The following CRMP1 variants were observed in gnomAD, a reference collection of about 807,000 sequenced individuals.
CRMP1 encodes dihydropyrimidinase-related protein 1.
In CRMP1, 19 loss-of-function variants were observed where a neutral mutation model predicts 68.3. That is an observed-to-expected ratio of 0.28 (90% CI 0.19 to 0.41). CRMP1 has a LOEUF of 0.41. Among genes scored for constraint, CRMP1 ranks in the 10% least tolerant of loss-of-function variants. CRMP1 has a pLI of 1.00. For synonymous variants in CRMP1, 439 were observed against 399.6 expected (o/e 1.10, Z -1.18); for missense variants, 791 against 967.4 (o/e 0.82, Z 2.42).
Position 5,856,228 on chromosome 4 carries a change from G to T in CRMP1, c.735C>A (p.Ser245=). 1 of 1,614,032 alleles carries T rather than the reference G, an allele frequency of 6.2e-7. No individual in the cohort carries two copies. Among genetic ancestry groups the T allele is most frequent in the South Asian group, 1.1e-5 (1 of 91,076 alleles). ...CCACGTGGAGGGAGTAATCACAGCA[G>T]GATTTGGTGTCAGCTGCTTCGTGCC... is the stretch of plus-strand genomic sequence containing the variant. ...EKWHEAADTK[S]CCDYSLHVDI... The change falls in exon 4 of 14, where the codon TCC becomes TCA. Residue 245 remains serine (S), a synonymous_variant. Coordinates refer to ENST00000324989, the MANE Select transcript of CRMP1 (RefSeq NM_001014809.3).
In CRMP1 at chr4:5,855,135, T is replaced by C. The variant is rs1017425084; in HGVS notation, c.820+1008A>G. Among the ~76,000 whole-genome samples the C allele has an allele frequency of 2.6e-5, 4 of 152,100 alleles. No individual in the cohort carries two copies. Among genetic ancestry groups the C allele is most frequent in the Non-Finnish European group, 4.4e-5 (3 of 68,012 alleles). On this transcript the variant is annotated intron_variant, in intron 4 of 13. Transcript: ENST00000324989. The surrounding 1 kb of genome is among the most constrained non-coding windows in gnomAD (Gnocchi z 4.9). ...ACATAACAGCTATTGCACAACCACA[T>C]AGGGGAAAAATCATCCAAATACACA...
chr4:5,828,312 A>G, intron 12 of CRMP1, 177 bp downstream of exon 12: 2 of 983,298 alleles, frequency 2.0e-6, no homozygotes, highest in Non-Finnish European at 2.4e-6. Context: ...TTTGATGCTC[A>G]CTCCTGTCCT....
In CRMP1 at chr4:5,893,062, C is replaced by A. The variant is rs1175172791; in HGVS notation, c.-93G>T. 1 of 865,020 alleles carries A rather than the reference C, an allele frequency of 1.2e-6. No homozygotes were observed. The highest frequency in any genetic ancestry group is 1.8e-5 in the African/African-American group (1 of 54,440). 53.6% of individuals were successfully genotyped at this position (865,020 alleles called of 1,614,324 possible). ...GCCGCGCTCCGCGCCTCGGTGCGGGCCTGCGGCGGCCCGGGCGCGACTGCG... is the reference window on the plus strand; with the variant it reads ...GCCGCGCTCCGCGCCTCGGTGCGGGACTGCGGCGGCCCGGGCGCGACTGCG... On this transcript the variant is annotated 5_prime_UTR_variant, in exon 1 of 14. Transcript: ENST00000324989.
At chr4:5,849,694 A>G (rs1712479435) in intron 5 of CRMP1, among the ~76,000 whole-genome samples, 2 of 152,140 alleles carry the variant, frequency 1.3e-5, no homozygotes, top group South Asian at 4.2e-4. Context: ...GAAGCTGAGG[A>G]TGGGGCACAA....
At chr4:5,837,678 T>TTAAAATAAAATAAAATAAAATAAAATA (rs1553904007) in intron 9 of CRMP1, among the ~76,000 whole-genome samples, 1 of 126,268 alleles carries the variant, frequency 7.9e-6, no homozygotes, top group Admixed American at 7.6e-5. Context: ...TAAAATAAAA[T>TTAAAATAAAATAAAATAAAATAAAATA]AAATAAAATA....
chr4:5,892,539 C>A lies in CRMP1; in HGVS notation c.381+50G>T. The A allele has an allele frequency of 8.6e-7, 1 of 1,162,590 alleles. No homozygotes were observed. Among genetic ancestry groups the A allele is most frequent in the South Asian group, 4.3e-5 (1 of 23,252 alleles). The allele number at this position is 1,162,590 out of a possible 1,614,324, so 72.0% of individuals were successfully genotyped here. On this transcript the variant is annotated intron_variant, in intron 1 of 13. Coordinates refer to ENST00000324989, the MANE Select transcript of CRMP1 (RefSeq NM_001014809.3). The surrounding 1 kb of genome is among the most constrained non-coding windows in gnomAD (Gnocchi z 8.6). ...CCCTCGGGCGCCCCATGCCCTGGGT[C>A]CTCCCGGGGCCCGCCCCCCTCGTCT...
At position 5,877,386 on chromosome 4, in the gene CRMP1, C is replaced by T. The variant is rs548881025; in HGVS notation, c.382-10630G>A. ...GGTTTTATAGCTCAAATACGTCAAA[C>T]TTCCATGACTTGGTCCCTACCTTGA... On this transcript the variant is annotated intron_variant, in intron 1 of 13. Coordinates refer to ENST00000324989, the MANE Select transcript of CRMP1 (RefSeq NM_001014809.3). The surrounding 1 kb of genome is among the most constrained non-coding windows in gnomAD (Gnocchi z 4.3). Among the ~76,000 whole-genome samples the T allele has an allele frequency of 1.2e-4, 18 of 152,324 alleles. No homozygotes were observed. The highest frequency in any genetic ancestry group is 2.4e-4 in the Non-Finnish European group (16 of 68,028).
rs959239582 is a variant in CRMP1, at chr4:5,890,318, G to C, written c.381+2271C>G. ...CCAAACAGATCGCTGCTCCCAAGCA[G>C]ATTTCGCCGGTACAAAGCGCCGCAG... is the stretch of plus-strand genomic sequence containing the variant. On this transcript the variant is annotated intron_variant, in intron 1 of 13. Transcript: ENST00000324989. This position sits in a 1 kb window ranked among gnomAD's most constrained non-coding sequence, Gnocchi z 5.5. The C allele has an allele frequency of 6.6e-6, 1 of 152,448 alleles. No homozygotes were observed. The highest frequency in any genetic ancestry group is 1.5e-5 in the Non-Finnish European group (1 of 68,212). 9.4% of individuals were successfully genotyped at this position (152,448 alleles called of 1,614,324 possible). A position where few individuals can be genotyped will look rare whatever the true frequency, so the allele number is the denominator to read the frequency against.
In CRMP1 at chr4:5,888,368, C is replaced by A; in HGVS notation, c.381+4221G>T. ...CCCAGCGGGCGCGCTGACAAAGGCC[C>A]GGGAGGGATAGAGACACGGACGGAG... is the stretch of plus-strand genomic sequence containing the variant. On this transcript the variant is annotated intron_variant, in intron 1 of 13. Transcript: ENST00000324989. This position sits in a 1 kb window ranked among gnomAD's most constrained non-coding sequence, Gnocchi z 6.4. 8.1e-7 allele frequency: 1 copy of A among 1,228,460 alleles called. No homozygotes were observed. The highest frequency in any genetic ancestry group is 1.0e-6 in the Non-Finnish European group (1 of 983,220). The allele number at this position is 1,228,460 out of a possible 1,614,324, so 76.1% of individuals were successfully genotyped here. A position where few individuals can be genotyped will look rare whatever the true frequency, so the allele number is the denominator to read the frequency against.
chr4:5,880,264 C>T (rs946778550), intron 1 of CRMP1, among the ~76,000 whole-genome samples: 1 of 152,124 alleles, frequency 6.6e-6, no homozygotes, highest in Non-Finnish European at 1.5e-5. Context: ...TTTCCTTCCT[C>T]CTTAATTGTA....
chr4:5,879,664 C>T lies in CRMP1; in HGVS notation c.382-12908G>A, dbSNP rs1454475416. On this transcript the variant is annotated intron_variant, in intron 1 of 13. Coordinates refer to ENST00000324989, the MANE Select transcript of CRMP1 (RefSeq NM_001014809.3). The surrounding 1 kb of genome is among the most constrained non-coding windows in gnomAD (Gnocchi z 4.2). ...GTCCTATGAAGTTTAACATTCTATG[C>T]CAAATGCTCTAACATTCTATGCCAA... 6.6e-6 allele frequency among the ~76,000 whole-genome samples: 1 copy of T among 152,168 alleles called. No individual in the cohort carries two copies. Among genetic ancestry groups the T allele is most frequent in the Non-Finnish European group, 1.5e-5 (1 of 68,034 alleles).
rs1276597078 is a variant in CRMP1 at position 5,891,815 on chromosome 4, C to T, written c.381+774G>A. Among the ~76,000 whole-genome samples, 1 of 152,212 alleles carries T rather than the reference C, an allele frequency of 6.6e-6. No individual in the cohort carries two copies. The highest frequency in any genetic ancestry group is 1.5e-5 in the Non-Finnish European group (1 of 68,044). The stretch of plus-strand genomic sequence containing the variant: ...CTCAAGAGAGAATACCCGCAGGGCC[C>T]AAGCCCTAGCGTTCCCTCTCCCTGA... On this transcript the variant is annotated intron_variant, in intron 1 of 13. Transcript: ENST00000324989. This position sits in a 1 kb window ranked among gnomAD's most constrained non-coding sequence, Gnocchi z 5.2.
At position 5,889,515 on chromosome 4, in the gene CRMP1, A is replaced by G. The variant is rs1715842216; in HGVS notation, c.381+3074T>C. 6.6e-7 allele frequency: 1 copy of G among 1,509,152 alleles called. No individual in the cohort carries two copies. Among genetic ancestry groups the G allele is most frequent in the Non-Finnish European group, 8.9e-7 (1 of 1,123,076 alleles). 93.5% of individuals were successfully genotyped at this position (1,509,152 alleles called of 1,614,324 possible). On this transcript the variant is annotated intron_variant, in intron 1 of 13. Transcript: ENST00000324989. The surrounding 1 kb of genome is among the most constrained non-coding windows in gnomAD (Gnocchi z 4.5). ...CAGGTCACAGCTTGACAAGGTCCGT[A>G]ACAGCAGAGGGGAAAAGATGAAAGA...
At chr4:5,868,546 C>T (rs543937378) in intron 1 of CRMP1, among the ~76,000 whole-genome samples, 2 of 152,132 alleles carry the variant, frequency 1.3e-5, no homozygotes, top group South Asian at 4.2e-4. Context: ...CATGATCTGC[C>T]TGCCTTGGCC....
At chr4:5,857,072 TCAC>T (rs1171937650) in intron 3 of CRMP1, among the ~76,000 whole-genome samples, 6 of 113,012 alleles carry the variant, frequency 5.3e-5, no homozygotes, top group South Asian at 3.1e-4. Flanking sequence ...CACCCCACCA[TCAC>T]CACCACCACC....
At chr4:5,851,498 T>C (rs1450743800) in intron 4 of CRMP1, 29 bp from the exon 5 acceptor site, 2 of 1,603,474 alleles carry the variant, frequency 1.2e-6, no homozygotes, top group Non-Finnish European at 1.7e-6. Context: ...GATAGAAAAA[T>C]ATGTTTAAGA....
chr4:5,825,737 C>G lies in CRMP1; in HGVS notation c.1804-78G>C, dbSNP rs1015404440. 4.0e-6 allele frequency: 6 copies of G among 1,490,924 alleles called. No individual in the cohort carries two copies. The East Asian group carries it at 9.3e-5, about 23-fold the overall frequency. The allele number at this position is 1,490,924 out of a possible 1,614,324, so 92.4% of individuals were successfully genotyped here. On this transcript the variant is annotated intron_variant, in intron 12 of 13. Coordinates refer to ENST00000324989, the MANE Select transcript of CRMP1 (RefSeq NM_001014809.3). The surrounding 1 kb of genome is among the most constrained non-coding windows in gnomAD (Gnocchi z 4.4). ...TCTGGGCAGATAAAGCAGAGCCCTGCGGGCGAGAGAGAAACCTGAGGTCAC... is the reference window on the plus strand; with the variant it reads ...TCTGGGCAGATAAAGCAGAGCCCTGGGGGCGAGAGAGAAACCTGAGGTCAC...
chr4:5,884,001 T>G (rs74778878), intron 1 of CRMP1, among the ~76,000 whole-genome samples: 1 of 152,350 alleles, frequency 6.6e-6, no homozygotes, highest in East Asian at 1.9e-4. Context: ...GATCATGACC[T>G]TGACATCATG....
chr4:5,870,765 G>A lies in CRMP1; in HGVS notation c.382-4009C>T, dbSNP rs759863591. Reference sequence around the variant, plus strand: ...ATCTGTACCGCTAAAAAAGATGTGTGCATCCCCAGAGAGGAAACTCACCAA... The same window carrying A: ...ATCTGTACCGCTAAAAAAGATGTGTACATCCCCAGAGAGGAAACTCACCAA... On this transcript the variant is annotated intron_variant, in intron 1 of 13. Transcript: ENST00000324989. The surrounding 1 kb of genome is among the most constrained non-coding windows in gnomAD (Gnocchi z 6.0). Among the ~76,000 whole-genome samples the A allele has an allele frequency of 4.6e-5, 7 of 152,202 alleles. 1 individual carries two copies. Among genetic ancestry groups the A allele is most frequent in the South Asian group, 4.1e-4 (2 of 4,832 alleles).
Sources: allele counts gnomAD v4.1 joint callset (sites outside exome capture counted in the v4.1 genomes callset), GRCh38; gene constraint gnomAD v4.1.1; non-coding constraint Gnocchi (gnomAD v3.1); transcripts MANE v1.5; gene names NCBI Gene and HGNC (gene_info 2026-07-23, HGNC 2026-07-21).